Variants in PHACTR1 observed in about 807,000 individuals in gnomAD.
PHACTR1 encodes the protein RPEL repeat containing 1.
PHACTR1 carries 16 observed loss-of-function variants against 69.2 expected under a neutral mutation model. The ratio of observed to expected loss-of-function variants is 0.23; its 90% confidence interval spans 0.16 to 0.35. PHACTR1 has a LOEUF of 0.35. PHACTR1 is among the 10% of genes least tolerant of loss of function. PHACTR1 has a pLI of 1.00. For missense variants in PHACTR1, 510 were observed against 734.7 expected, an observed-to-expected ratio of 0.69 and a Z score of 3.54; for synonymous variants, 312 against 284.5, an observed-to-expected ratio of 1.10 and a Z score of -0.97.
chr6:13,281,146 C>G (rs1385483722), intron 12 of PHACTR1: 2 of 1,284,142 alleles, frequency 1.6e-6, no homozygotes, highest in Non-Finnish European at 2.0e-6. Flanking sequence ...GTCTTCGGTT[C>G]ACTCCAGACT....
intron 4 of PHACTR1, among the ~76,000 whole-genome samples, chr6:12,872,968 T>A (rs1218008127): frequency 2.6e-5 from 4 of 152,004 alleles, no homozygotes; most frequent in Admixed American, 6.5e-5. Flanking sequence ...CCTTCCTTCC[T>A]TGCTTCCTTC....
At chr6:12,878,592 CA>C (rs1782773541) in intron 4 of PHACTR1, among the ~76,000 whole-genome samples, 1 of 152,170 alleles carries the variant, frequency 6.6e-6, no homozygotes, top group Non-Finnish European at 1.5e-5. Context: ...TTGGAAGAAA[CA>C]TAAAGCTCTC....
At chr6:13,217,647 A>G (rs189824447) in intron 8 of PHACTR1, among the ~76,000 whole-genome samples, 3 of 152,212 alleles carry the variant, frequency 2.0e-5, no homozygotes, top group South Asian at 2.1e-4. Flanking sequence ...TACATTTTCT[A>G]TTCAGGAAGG....
At chr6:13,087,955 A>G (rs1410689387) in intron 5 of PHACTR1, among the ~76,000 whole-genome samples, 2 of 152,106 alleles carry the variant, frequency 1.3e-5, no homozygotes, top group East Asian at 1.9e-4. Context: ...CCAAAAGCAC[A>G]CATCTTTAAC....
chr6:12,890,200 A>G (rs536048593), intron 4 of PHACTR1, among the ~76,000 whole-genome samples: 1 of 152,172 alleles, frequency 6.6e-6, no homozygotes, highest in South Asian at 2.1e-4. Flanking sequence ...GAATTTGACT[A>G]ATGCCTGATG....
At chr6:12,945,392 G>A (rs1285694270) in intron 4 of PHACTR1, among the ~76,000 whole-genome samples, 1 of 152,190 alleles carries the variant, frequency 6.6e-6, no homozygotes, top group Admixed American at 6.5e-5. Context: ...ATGAAAGCAG[G>A]AATTATGTTC....
At chr6:12,899,497 A>T (rs1784986410) in intron 4 of PHACTR1, among the ~76,000 whole-genome samples, 1 of 152,186 alleles carries the variant, frequency 6.6e-6, no homozygotes. Context: ...TAAAACTATA[A>T]TTAAAAGGGT....
intron 4 of PHACTR1, among the ~76,000 whole-genome samples, chr6:12,848,807 AAAGG>A (rs1381250250): frequency 6.6e-6 from 1 of 152,226 alleles, no homozygotes; most frequent in Non-Finnish European, 1.5e-5. Context: ...ACCTCAATTT[AAAGG>A]AAGCAAATCT....
intron 4 of PHACTR1, chr6:12,957,663 G>T (rs1391459750): frequency 4.1e-6 from 4 of 985,500 alleles, no homozygotes; most frequent in Non-Finnish European, 3.6e-6. Context: ...CTCTGAGTGA[G>T]GCTGGAGAGA....
chr6:13,286,360 C>A, intron 14 of PHACTR1, 138 bp downstream of exon 14: 2 of 685,762 alleles, frequency 2.9e-6, no homozygotes, highest in Non-Finnish European at 4.6e-6. Context: ...GGCAGGCATG[C>A]GGTTCCACTT....
intron 4 of PHACTR1, among the ~76,000 whole-genome samples, chr6:12,805,607 C>CTT (rs766185084): frequency 1.8e-4 from 27 of 149,904 alleles, no homozygotes; most frequent in Admixed American, 2.7e-4. Context: ...TTCTTTCTTT[C>CTT]TTTCTTTTTT....
At chr6:12,791,134 A>G (rs1017093102) in intron 4 of PHACTR1, among the ~76,000 whole-genome samples, 1 of 152,230 alleles carries the variant, frequency 6.6e-6, no homozygotes, top group African/African-American at 2.4e-5. Flanking sequence ...GGAAAGACAA[A>G]TGTCCCAGAG....
chr6:12,823,742 A>G (rs1222302976), intron 4 of PHACTR1, among the ~76,000 whole-genome samples: 2 of 152,178 alleles, frequency 1.3e-5, no homozygotes, highest in East Asian at 3.8e-4. Flanking sequence ...TGTTTTTATA[A>G]TGGGGCAGAA....
intron 4 of PHACTR1, among the ~76,000 whole-genome samples, chr6:12,832,904 A>G (rs1337294655): frequency 1.3e-5 from 2 of 152,296 alleles, no homozygotes; most frequent in East Asian, 3.9e-4. Flanking sequence ...TTCCATCACA[A>G]TCAGTCTTAG....
At chr6:13,064,623 C>T (rs1808331674) in intron 5 of PHACTR1, among the ~76,000 whole-genome samples, 4 of 81,936 alleles carry the variant, frequency 4.9e-5, no homozygotes, top group Non-Finnish European at 6.7e-5. Flanking sequence ...TCTATCTATC[C>T]ACACTTGCCA....
intron 11 of PHACTR1, chr6:13,276,045 A>C (rs1187948787): frequency 6.6e-6 from 1 of 151,674 alleles, no homozygotes; most frequent in Non-Finnish European, 1.5e-5. Context: ...CCCCCAGTTT[A>C]TCTCTACTAG....
intron 4 of PHACTR1, among the ~76,000 whole-genome samples, chr6:12,850,785 C>T (rs1178674047): frequency 6.6e-6 from 1 of 152,154 alleles, no homozygotes; most frequent in South Asian, 2.1e-4. Context: ...TGTCTTTTCC[C>T]TGTGTGTCTT....
At chr6:12,750,084 C>T (rs1458261694) in intron 4 of PHACTR1, among the ~76,000 whole-genome samples, 1 of 152,254 alleles carries the variant, frequency 6.6e-6, no homozygotes, top group Admixed American at 6.5e-5. Flanking sequence ...GGAGCCCGGG[C>T]CGCGCGCCCA....
intron 3 of PHACTR1, among the ~76,000 whole-genome samples, chr6:12,733,484 T>C (rs1290559451): frequency 1.3e-5 from 2 of 152,160 alleles, no homozygotes; most frequent in African/African-American, 4.8e-5. Context: ...GATTCAAACA[T>C]GAGTCTTTCT....
Sources: allele counts gnomAD v4.1 joint callset (sites outside exome capture counted in the v4.1 genomes callset), GRCh38; gene constraint gnomAD v4.1.1; transcripts MANE v1.5; gene names NCBI Gene and HGNC (gene_info 2026-07-23, HGNC 2026-07-21).